The following CCDC57 variants were observed in gnomAD, a reference collection of about 807,000 sequenced individuals.
CCDC57 encodes coiled-coil domain-containing protein 57.
In CCDC57, 118 loss-of-function variants were observed where a neutral mutation model predicts 118.9. The ratio of observed to expected loss-of-function variants is 0.99; its 90% CI spans 0.86 to 1.16. The LOEUF (loss-of-function observed/expected upper bound fraction) is 1.16. CCDC57 is among the 50% of genes most tolerant of loss of function. The pLI, the probability that CCDC57 is intolerant of heterozygous loss-of-function variation, is 0.00. For synonymous variants in CCDC57, 527 were observed against 532.9 expected (o/e 0.99, Z 0.15); for missense variants, 1,300 against 1,320.7 (o/e 0.98, Z 0.24).
At chr17:82,165,642 A>G (rs925311265) in intron 13 of CCDC57, among the ~76,000 whole-genome samples, 8 of 152,132 alleles carry the variant, frequency 5.3e-5, no homozygotes. Flanking sequence ...CTTCTGGGAG[A>G]GCATGTGGGG....
At chr17:82,122,361 G>A (rs780360450) in intron 19 of CCDC57, among the ~76,000 whole-genome samples, 2 of 85,548 alleles carry the variant, frequency 2.3e-5, no homozygotes, top group East Asian at 2.2e-4. Flanking sequence ...TTGCAAGGGC[G>A]TCTGTCCAGC....
At chr17:82,147,297 AATGG>A (rs1197027566) in intron 16 of CCDC57, among the ~76,000 whole-genome samples, 4 of 68,560 alleles carry the variant, frequency 5.8e-5, no homozygotes, top group African/African-American at 2.4e-4. Flanking sequence ...TGGATGGATG[AATGG>A]GTGGGTGGGT....
At chr17:82,191,646 C>T (rs937564870) in intron 7 of CCDC57, among the ~76,000 whole-genome samples, 9 of 152,124 alleles carry the variant, frequency 5.9e-5, no homozygotes, top group Non-Finnish European at 4.4e-5. Flanking sequence ...TCTGCTTCCA[C>T]TTAACAAACG....
At chr17:82,102,941 G>A (rs1477769175) in intron 19 of CCDC57, among the ~76,000 whole-genome samples, 1 of 152,130 alleles carries the variant, frequency 6.6e-6, no homozygotes, top group African/African-American at 2.4e-5. Flanking sequence ...AGCGTCCACT[G>A]CGTGGCCACA....
intron 15 of CCDC57, among the ~76,000 whole-genome samples, chr17:82,152,486 C>A (rs1568282129): frequency 6.6e-6 from 1 of 152,236 alleles, no homozygotes; most frequent in Non-Finnish European, 1.5e-5. Flanking sequence ...TAGATCTGAG[C>A]CCCTGGGAAG....
At chr17:82,158,058 C>T (rs558367670) in intron 14 of CCDC57, 110 bp from the exon 14 acceptor site, 6 of 1,454,872 alleles carry the variant, frequency 4.1e-6, no homozygotes, top group South Asian at 2.8e-5. Flanking sequence ...ACGGGGAGCC[C>T]GGGGTCAGGG....
At position 82,172,704 on chromosome 17, in the gene CCDC57, T is replaced by C. The variant is rs752498849; in HGVS notation, c.1663A>G (p.Thr555Ala). ...TTTGCATCTGTGCTCTCTGCCGCTG[T>C]CTGGATGGGAGGAGGAATCTGATGG... Residue 555 changes from threonine to alanine, a missense_variant, in exon 12 of 20, where the codon ACA (threonine) becomes GCA (alanine). Transcript: ENST00000665763. This position sits in a 1 kb window ranked among gnomAD's most constrained non-coding sequence, Gnocchi z 5.2. The C allele has an allele frequency of 1.9e-6, 3 of 1,574,636 alleles. No homozygotes were observed. The South Asian group carries it at 3.5e-5, about 18-fold the overall frequency.
At chr17:82,130,495 A>C (rs1163498873) in intron 17 of CCDC57, among the ~76,000 whole-genome samples, 5 of 139,620 alleles carry the variant, frequency 3.6e-5, no homozygotes, top group African/African-American at 1.3e-4. Flanking sequence ...ACACCCAGAC[A>C]AAACTTTTTT....
chr17:82,108,992 C>T (rs1253499565), intron 19 of CCDC57: 1 of 152,190 alleles, frequency 6.6e-6, no homozygotes, highest in Non-Finnish European at 1.5e-5. Flanking sequence ...ATGGATAAGG[C>T]CAAACCTACA....
intron 16 of CCDC57, among the ~76,000 whole-genome samples, chr17:82,142,929 C>G (rs897886850): frequency 2.0e-5 from 3 of 152,054 alleles, no homozygotes; most frequent in South Asian, 4.2e-4. Context: ...CTTTGGGAGG[C>G]CGAGGTGGGT....
chr17:82,174,283 C>G (rs1336718566), intron 11 of CCDC57, among the ~76,000 whole-genome samples: 2 of 152,256 alleles, frequency 1.3e-5, no homozygotes, highest in Non-Finnish European at 2.9e-5. Context: ...GAGCTTCACA[C>G]GCTGCGCTCA....
intron 16 of CCDC57, among the ~76,000 whole-genome samples, chr17:82,136,622 G>C (rs2039223398): frequency 6.7e-6 from 1 of 149,104 alleles, no homozygotes; most frequent in Non-Finnish European, 1.5e-5. Context: ...TTTTGAGACA[G>C]AGTCTTGCTC....
chr17:82,179,500 G>A (rs903918033), intron 9 of CCDC57, among the ~76,000 whole-genome samples: 43 of 152,250 alleles, frequency 2.8e-4, no homozygotes, highest in African/African-American at 8.4e-4. Context: ...GATCATAAAC[G>A]CGGTTATGCA....
chr17:82,103,486 C>T (rs1275338569), intron 19 of CCDC57, among the ~76,000 whole-genome samples: 1 of 152,248 alleles, frequency 6.6e-6, no homozygotes, highest in Admixed American at 6.5e-5. Flanking sequence ...TCCCCCCACC[C>T]CCCACACTGG....
At chr17:82,131,829 C>G (rs1441541516) in intron 17 of CCDC57, among the ~76,000 whole-genome samples, 1 of 151,640 alleles carries the variant, frequency 6.6e-6, no homozygotes, top group African/African-American at 2.4e-5. Context: ...GTTTTCTTTT[C>G]TCAGTTTTAA....
At chr17:82,123,702 A>G (rs1396758325) in intron 19 of CCDC57, among the ~76,000 whole-genome samples, 1 of 152,204 alleles carries the variant, frequency 6.6e-6, no homozygotes, top group South Asian at 2.1e-4. Context: ...AATATTAGAA[A>G]TCAGTAACAG....
At chr17:82,174,957 G>A (rs1174626221) in intron 11 of CCDC57, among the ~76,000 whole-genome samples, 2 of 152,142 alleles carry the variant, frequency 1.3e-5, no homozygotes, top group Non-Finnish European at 2.9e-5. Context: ...GACTCAATTC[G>A]TTTCAGAGTG....
At chr17:82,134,718 C>G (rs907015121) in intron 16 of CCDC57, among the ~76,000 whole-genome samples, 2 of 152,084 alleles carry the variant, frequency 1.3e-5, no homozygotes, top group African/African-American at 4.8e-5. Flanking sequence ...TGCTTGAACC[C>G]GGGAGGCAGA....
chr17:82,190,776 G>A (rs2047577564), intron 7 of CCDC57, among the ~76,000 whole-genome samples: 1 of 150,744 alleles, frequency 6.6e-6, no homozygotes, highest in South Asian at 2.1e-4. Flanking sequence ...TCAACAGCAA[G>A]GTGTTGACGT....
Sources: allele counts gnomAD v4.1 joint callset (sites outside exome capture counted in the v4.1 genomes callset), GRCh38; gene constraint gnomAD v4.1.1; non-coding constraint Gnocchi (gnomAD v3.1); transcripts MANE v1.5; gene names NCBI Gene and HGNC (gene_info 2026-07-23, HGNC 2026-07-21).